ZC4H2: variants seen among roughly 807,000 people sequenced by gnomAD.
ZC4H2 encodes the protein zinc finger C4H2 domain-containing protein.
For missense variants in ZC4H2, 137 were observed against 173.9 expected, an observed-to-expected ratio of 0.79 and a Z score of 1.19; for synonymous variants, 84 against 66.3, an observed-to-expected ratio of 1.27 and a Z score of -1.30.
intron 1 of ZC4H2, among the ~76,000 whole-genome samples, chrX:64,946,305 C>G (rs1034611397): frequency 5.4e-5 from 6 of 111,318 alleles, no homozygotes; most frequent in African/African-American, 2.0e-4. Flanking sequence ...AGCGTAGTAT[C>G]TGGGGCAGAT....
intron 1 of ZC4H2, among the ~76,000 whole-genome samples, chrX:65,023,614 C>T (rs1235085944): frequency 8.9e-6 from 1 of 111,767 alleles, no homozygotes; most frequent in Non-Finnish European, 1.9e-5. Flanking sequence ...ACAAGAGATG[C>T]TGGTGAGGAT....
chrX:64,972,474 T>C (rs1367646574), intron 1 of ZC4H2, among the ~76,000 whole-genome samples: 1 of 112,349 alleles, frequency 8.9e-6, no homozygotes, highest in South Asian at 3.7e-4. Context: ...AACAGAAATA[T>C]GCTGCTATGC....
intron 1 of ZC4H2, among the ~76,000 whole-genome samples, chrX:65,021,992 T>G (rs1932840316): frequency 8.9e-6 from 1 of 111,749 alleles, no homozygotes; most frequent in African/African-American, 3.3e-5. Flanking sequence ...GTCGAATCCC[T>G]GAATATATCA....
chrX:64,941,524 T>C (rs767179241), intron 1 of ZC4H2, among the ~76,000 whole-genome samples: 204 of 112,124 alleles, frequency 1.8e-3, no homozygotes, highest in Non-Finnish European at 3.1e-3. Flanking sequence ...ATATTGGCTA[T>C]GGGTTTGTCA....
At chrX:65,032,159 T>G (rs1932940507) in intron 1 of ZC4H2, among the ~76,000 whole-genome samples, 1 of 111,130 alleles carries the variant, frequency 9.0e-6, no homozygotes, top group Admixed American at 9.6e-5. Flanking sequence ...ATTGAAGGAG[T>G]TTAAGTACAG....
chrX:64,971,090 T>C (rs1404860750), intron 1 of ZC4H2, among the ~76,000 whole-genome samples: 1 of 112,734 alleles, frequency 8.9e-6, no homozygotes, highest in Admixed American at 9.3e-5. Flanking sequence ...TAATTTCCTT[T>C]TTATTTTAAA....
intron 1 of ZC4H2, among the ~76,000 whole-genome samples, chrX:64,993,624 C>G (rs193027570): frequency 9.0e-6 from 1 of 111,562 alleles, no homozygotes; most frequent in Non-Finnish European, 1.9e-5. Flanking sequence ...TCCAGAACCA[C>G]AATAAGCAAA....
At chrX:64,918,498 G>T (rs1929032266) in intron 4 of ZC4H2, 2 of 113,593 alleles carry the variant, frequency 1.8e-5, no homozygotes, top group African/African-American at 6.5e-5. Flanking sequence ...AATTGATTAG[G>T]ACCCAGGCTC....
intron 1 of ZC4H2, among the ~76,000 whole-genome samples, chrX:65,004,717 G>A (rs1282817112): frequency 9.3e-6 from 1 of 107,082 alleles, no homozygotes; most frequent in Non-Finnish European, 1.9e-5. Context: ...ACATAGTATT[G>A]GAAGTTCTGG....
At chrX:64,965,851 C>T (rs749942140) in intron 1 of ZC4H2, among the ~76,000 whole-genome samples, 38 of 102,795 alleles carry the variant, frequency 3.7e-4, no homozygotes, top group African/African-American at 1.3e-3. Context: ...AGTGGGATAA[C>T]TTCTGGAGCC....
chrX:65,027,790 C>T (rs1322529548), intron 1 of ZC4H2, among the ~76,000 whole-genome samples: 1 of 111,684 alleles, frequency 9.0e-6, no homozygotes, highest in Non-Finnish European at 1.9e-5. Context: ...GTCCTTTATT[C>T]GCTATTGAAT....
At chrX:65,014,754 G>A (rs768817977) in intron 1 of ZC4H2, among the ~76,000 whole-genome samples, 33 of 112,057 alleles carry the variant, frequency 2.9e-4, no homozygotes, top group Admixed American at 9.5e-4. Flanking sequence ...TTCAGTAAAT[G>A]TTAGTTCTAG....
intron 1 of ZC4H2, among the ~76,000 whole-genome samples, chrX:64,957,867 TA>T (rs973693073): frequency 6.5e-5 from 7 of 108,159 alleles, no homozygotes; most frequent in East Asian, 2.9e-4. Flanking sequence ...GTTTCAAAAA[TA>T]AAAAAAAATA....
At chrX:64,928,777 C>T (rs1929585617) in intron 1 of ZC4H2, among the ~76,000 whole-genome samples, 1 of 96,012 alleles carries the variant, frequency 1.0e-5, no homozygotes, top group Admixed American at 1.2e-4. Context: ...TTTTCTTCTT[C>T]TCTTCTTCTT....
At chrX:64,978,410 A>G (rs1932012647), upstream of ZC4H2, among the ~76,000 whole-genome samples, 1 of 112,193 alleles carries the variant, frequency 8.9e-6, no homozygotes, top group South Asian at 3.7e-4. Context: ...TTTAAAGAAC[A>G]TTGAGTTGGT....
chrX:64,987,903 G>A (rs1230309743), intron 1 of ZC4H2, among the ~76,000 whole-genome samples: 3 of 64,585 alleles, frequency 4.6e-5, no homozygotes, highest in African/African-American at 2.1e-4. Flanking sequence ...CCCCACAACA[G>A]GCCCCAGGGT....
chrX:65,019,547 G>C (rs964333916), intron 1 of ZC4H2, among the ~76,000 whole-genome samples: 4 of 112,128 alleles, frequency 3.6e-5, no homozygotes, highest in African/African-American at 1.3e-4. Context: ...CAACATCAAA[G>C]ACCAAAGGCA....
chrX:64,954,318 T>TTATATATATATATATATAATTATATATA, intron 1 of ZC4H2, among the ~76,000 whole-genome samples: 1 of 62,574 alleles, frequency 1.6e-5, no homozygotes, highest in African/African-American at 1.9e-4. Context: ...TAAAGTATAA[T>TTATATATATATATATATAATTATATATA]TATATATATA....
intron 1 of ZC4H2, among the ~76,000 whole-genome samples, chrX:64,990,850 C>T (rs180726778): frequency 5.4e-5 from 6 of 111,755 alleles, no homozygotes; most frequent in African/African-American, 1.9e-4. Flanking sequence ...CTTCTCTCCT[C>T]CTCCCCAACT....
Sources: allele counts gnomAD v4.1 joint callset (sites outside exome capture counted in the v4.1 genomes callset), GRCh38; gene constraint gnomAD v4.1.1; transcripts MANE v1.5; gene names NCBI Gene and HGNC (gene_info 2026-07-23, HGNC 2026-07-21).